ZNF544: variants seen among roughly 807,000 people sequenced by gnomAD.
ZNF544 encodes the protein zinc finger protein AF020591.
A neutral mutation model predicts 13.5 loss-of-function variants in ZNF544; 10 were observed. That is an observed-to-expected ratio of 0.74 (90% CI 0.46 to 1.25). The LOEUF (loss-of-function observed/expected upper bound fraction) is 1.25, where lower values mean the gene tolerates loss of function less well. Ranked by LOEUF, ZNF544 falls within the 50% of genes most tolerant of loss-of-function variation. The pLI, the probability that ZNF544 is intolerant of heterozygous loss-of-function variation, is 0.00. For missense variants in ZNF544, 896 were observed against 845.6 expected (o/e 1.06, Z -0.74); for synonymous variants, 323 against 300.5 (o/e 1.07, Z -0.77).
chr19:58,260,375 C>T (rs1267916976), intron 6 of ZNF544: 1 of 152,656 alleles, frequency 6.6e-6, no homozygotes, highest in African/African-American at 2.4e-5. Flanking sequence ...CTCCCAGGCT[C>T]AAGCGATTCT....
At position 58,261,414 on chromosome 19, in the gene ZNF544, G is replaced by C. The variant is rs747225989; in HGVS notation, c.808G>C (p.Asp270His). 42 of 1,614,064 alleles carry C rather than the reference G, an allele frequency of 2.6e-5. No homozygotes were observed. The highest frequency in any genetic ancestry group is 5.0e-5 in the Admixed American group (3 of 59,998). ...TAGAACTTTTTCAGTGAAGAAAAGT[G>C]ATGACTGTAAGGATTATGGAAACCT... ...HGRTFSVKKSDDCKDYGNLFS... is the reference protein window; with the variant it reads ...HGRTFSVKKSHDCKDYGNLFS... The change falls in exon 7 of 7, where the codon GAT becomes CAT. Residue 270 changes from aspartate (D) to histidine (H), a missense_variant. Coordinates refer to ENST00000687789, the MANE Select transcript of ZNF544 (RefSeq NM_014480.4).
intron 3 of ZNF544, among the ~76,000 whole-genome samples, chr19:58,243,263 G>A (rs754597999): frequency 1.3e-5 from 2 of 152,052 alleles, no homozygotes; most frequent in African/African-American, 2.4e-5. Context: ...CAGTGGTCTC[G>A]AGTAACCTGT....
At chr19:58,265,134 T>C (rs145234974), downstream of ZNF544, among the ~76,000 whole-genome samples, 5 of 152,264 alleles carry the variant, frequency 3.3e-5, no homozygotes, top group Non-Finnish European at 5.9e-5. Context: ...AAAATACTTA[T>C]CAGGGGATGT....
At chr19:58,273,435 A>G (rs1050249825) in intron 5 of ZNF544, among the ~76,000 whole-genome samples, 2 of 152,178 alleles carry the variant, frequency 1.3e-5, no homozygotes, top group African/African-American at 2.4e-5. Context: ...TCACGCCTGT[A>G]ATCCCAGCAC....
chr19:58,255,511 G>A (rs1455219033), intron 6 of ZNF544, among the ~76,000 whole-genome samples: 1 of 152,194 alleles, frequency 6.6e-6, no homozygotes. Flanking sequence ...TTCAGGGAAA[G>A]CAAATTGATG....
At chr19:58,241,179 A>ATATATATATATAT (rs1181835768) in intron 3 of ZNF544, among the ~76,000 whole-genome samples, 36 of 72,726 alleles carry the variant, frequency 5.0e-4, no homozygotes, top group Middle Eastern at 7.9e-3. Flanking sequence ...ATATATATAT[A>ATATATATATATAT]TTTTTTTTTT....
chr19:58,240,632 C>T (rs757182658), intron 3 of ZNF544, among the ~76,000 whole-genome samples: 3 of 151,922 alleles, frequency 2.0e-5, no homozygotes, highest in African/African-American at 4.8e-5. Flanking sequence ...CATTGTGATG[C>T]GCGCCTGTGA....
chr19:58,248,901 T>C (rs535959551), intron 6 of ZNF544, among the ~76,000 whole-genome samples: 1 of 152,290 alleles, frequency 6.6e-6, no homozygotes, highest in East Asian at 1.9e-4. Flanking sequence ...GGTTACTTGG[T>C]TTATATCCTC....
intron 3 of ZNF544, among the ~76,000 whole-genome samples, chr19:58,241,582 C>T (rs1459413735): frequency 2.6e-5 from 4 of 151,532 alleles, no homozygotes; most frequent in African/African-American, 4.9e-5. Flanking sequence ...CTGCAAGCTC[C>T]GCCTCCTGGG....
chr19:58,270,432 G>C (rs1272750123), intron 5 of ZNF544, among the ~76,000 whole-genome samples: 2 of 151,890 alleles, frequency 1.3e-5, no homozygotes, highest in Non-Finnish European at 2.9e-5. Flanking sequence ...CTCCTGAGTA[G>C]CTGGGATTAC....
rs764540480 is a variant in ZNF544, at chr19:58,245,298, GT to G, written c.34-987del. On this transcript the variant is annotated intron_variant, in intron 4 of 6. Coordinates refer to ENST00000687789, the MANE Select transcript of ZNF544 (RefSeq NM_014480.4). ...TAAAATTAATCACCTTGTTTGTGGGGTTTTTTTTTTTTTTTTCTTTTGAGAT... is the reference window on the plus strand; with the variant it reads ...TAAAATTAATCACCTTGTTTGTGGGGTTTTTTTTTTTTTTTCTTTTGAGAT... 1.8e-3 allele frequency among the ~76,000 whole-genome samples: 251 copies of G among 135,678 alleles called. 1 individual carries two copies. The highest frequency in any genetic ancestry group is 4.4e-3 in the Middle Eastern group (1 of 226). 89.0% of individuals were successfully genotyped at this position (135,678 alleles called of 152,430 possible).
At chr19:58,241,957 T>C (rs1198578483) in intron 3 of ZNF544, among the ~76,000 whole-genome samples, 1 of 149,570 alleles carries the variant, frequency 6.7e-6, no homozygotes, top group Non-Finnish European at 1.5e-5. Context: ...GTGCTTGTTC[T>C]TGGAGGACTT....
At chr19:58,270,250 T>G (rs1400521293) in intron 5 of ZNF544, among the ~76,000 whole-genome samples, 1 of 151,862 alleles carries the variant, frequency 6.6e-6, no homozygotes, top group Non-Finnish European at 1.5e-5. Flanking sequence ...GATTGTTGAT[T>G]GACCCTTCAG....
chr19:58,266,182 G>C (rs377366299), downstream of ZNF544, among the ~76,000 whole-genome samples: 7 of 119,106 alleles, frequency 5.9e-5, no homozygotes, highest in African/African-American at 2.2e-4. Flanking sequence ...CTCCAGCCTG[G>C]GCAAAAAAGC....
intron 6 of ZNF544, among the ~76,000 whole-genome samples, chr19:58,251,660 C>G (rs2046320559): frequency 6.6e-6 from 1 of 152,156 alleles, no homozygotes; most frequent in South Asian, 2.1e-4. Flanking sequence ...CTGGATGTTT[C>G]TGGATCAGAG....
chr19:58,262,854 T>TA lies in ZNF544; in HGVS notation c.*102dup. 1.3e-6 allele frequency: 2 copies of TA among 1,502,734 alleles called. No individual in the cohort carries two copies. The highest frequency in any genetic ancestry group is 1.8e-6 in the Non-Finnish European group (2 of 1,130,942). 93.1% of individuals were successfully genotyped at this position (1,502,734 alleles called of 1,614,324 possible). A position where few individuals can be genotyped will look rare whatever the true frequency, so the allele number is the denominator to read the frequency against. On this transcript the variant is annotated 3_prime_UTR_variant, in exon 7 of 7. Transcript: ENST00000687789. ...GAAGAGCTATCAGTGTGACGTGTAT[T>TA]AAGCCAGCGGTTGTGACTCATTGAA...
chr19:58,253,715 C>T (rs772275902), intron 6 of ZNF544, among the ~76,000 whole-genome samples: 1 of 152,192 alleles, frequency 6.6e-6, no homozygotes, highest in Non-Finnish European at 1.5e-5. Flanking sequence ...GCTGGGATTG[C>T]AGGCACTAGC....
chr19:58,245,301 T>G (rs2044888125), intron 4 of ZNF544, among the ~76,000 whole-genome samples: 1 of 150,166 alleles, frequency 6.7e-6, no homozygotes, highest in East Asian at 2.0e-4. Context: ...TTGTGGGGTT[T>G]TTTTTTTTTT....
chr19:58,229,465 C>T lies in ZNF544; in HGVS notation c.-231-3C>T, dbSNP rs2040738293. The T allele has an allele frequency of 6.6e-6, 1 of 152,290 alleles. No homozygotes were observed. The highest frequency in any genetic ancestry group is 2.1e-4 in the South Asian group (1 of 4,824). 9.4% of individuals were successfully genotyped at this position (152,290 alleles called of 1,614,324 possible). ...CAACTCATCTTCTGCGGCTTATCCA[C>T]AGGTGGCAGCCAAGAGCCTCCTGGC... is the stretch of plus-strand genomic sequence containing the variant. On this transcript the variant is annotated splice_polypyrimidine_tract_variant and splice_region_variant and intron_variant, in intron 1 of 6. Coordinates refer to ENST00000687789, the MANE Select transcript of ZNF544 (RefSeq NM_014480.4).
Sources: allele counts gnomAD v4.1 joint callset (sites outside exome capture counted in the v4.1 genomes callset), GRCh38; gene constraint gnomAD v4.1.1; transcripts MANE v1.5; gene names NCBI Gene and HGNC (gene_info 2026-07-23, HGNC 2026-07-21).